The following SMPDL3A variants were observed in gnomAD, a reference collection of about 807,000 sequenced individuals.
The protein encoded by SMPDL3A is sphingomyelin phosphodiesterase acid like 3A, also known as cyclic GMP-AMP phosphodiesterase SMPDL3A.
Under a neutral mutation model 38.5 loss-of-function variants are expected in SMPDL3A, and 39 were observed. The observed-to-expected ratio is 1.01, with a 90% CI of 0.78 to 1.32. The LOEUF (loss-of-function observed/expected upper bound fraction) is 1.32. SMPDL3A is among the 40% of genes most tolerant of loss of function. The pLI, the probability that SMPDL3A is intolerant of heterozygous loss-of-function variation, is 0.00. For synonymous variants in SMPDL3A, 180 were observed against 194.3 expected, an observed-to-expected ratio of 0.93 and a Z score of 0.61; for missense variants, 502 against 536.2, an observed-to-expected ratio of 0.94 and a Z score of 0.63.
rs929886611 is a variant in SMPDL3A, at chr6:122,809,149, G to C, written c.1103G>C (p.Trp368Ser). Reference sequence around the variant, plus strand: ...GCGAATCTAAAGGGAGAGTCCATCTGGAAGCTGGAGTATATCCTGACCCAG... The same window carrying C: ...GCGAATCTAAAGGGAGAGTCCATCTCGAAGCTGGAGTATATCCTGACCCAG... ...TEANLKGESIWKLEYILTQTY... is the reference protein window; with the variant it reads ...TEANLKGESISKLEYILTQTY... The change falls in exon 8 of 8, where the codon TGG becomes TCG. Residue 368 changes from tryptophan (W) to serine (S), a missense_variant. Coordinates refer to ENST00000368440, the MANE Select transcript of SMPDL3A (RefSeq NM_006714.5). 2 of 1,613,864 alleles carry C rather than the reference G, an allele frequency of 1.2e-6. No homozygotes were observed. Among genetic ancestry groups the C allele is most frequent in the African/African-American group, 2.7e-5 (2 of 74,898 alleles).
chr6:122,799,961 CTTTTTTTT>C (rs112956534), intron 3 of SMPDL3A, among the ~76,000 whole-genome samples: 8 of 124,546 alleles, frequency 6.4e-5, no homozygotes, highest in Admixed American at 1.7e-4. Context: ...TCAGTATTTA[CTTTTTTTT>C]TTTTTTTTTT....
At chr6:122,804,854 T>C in intron 5 of SMPDL3A, 55 bp from the exon 6 acceptor site, 2 of 1,470,964 alleles carry the variant, frequency 1.4e-6, no homozygotes, top group Non-Finnish European at 1.9e-6. Context: ...GTCATTTAGT[T>C]ATGATGAATG....
intron 1 of SMPDL3A, 123 bp downstream of exon 1, chr6:122,789,581 C>T: frequency 5.3e-6 from 5 of 944,604 alleles, no homozygotes; most frequent in Non-Finnish European, 8.0e-6. Context: ...CTAGCGGGGC[C>T]CCTGACGCGT....
intron 1 of SMPDL3A, among the ~76,000 whole-genome samples, chr6:122,792,125 GCA>G (rs1350534858): frequency 6.6e-6 from 1 of 152,196 alleles, no homozygotes; most frequent in Non-Finnish European, 1.5e-5. Context: ...ACACACATAG[GCA>G]CACAGTTTCG....
chr6:122,802,367 A>G (rs1781455877), intron 4 of SMPDL3A, among the ~76,000 whole-genome samples: 1 of 151,858 alleles, frequency 6.6e-6, no homozygotes, highest in Non-Finnish European at 1.5e-5. Flanking sequence ...ACACCTGGCT[A>G]ATTTTTGTAT....
chr6:122,794,342 A>T (rs1053110468), intron 1 of SMPDL3A, among the ~76,000 whole-genome samples: 1 of 152,194 alleles, frequency 6.6e-6, no homozygotes, highest in Non-Finnish European at 1.5e-5. Context: ...TCACGCCTGT[A>T]ATCCCAGCAC....
chr6:122,796,625 T>C (rs1035594338), intron 2 of SMPDL3A, among the ~76,000 whole-genome samples, 199 bp from the exon 3 acceptor site: 1 of 152,204 alleles, frequency 6.6e-6, no homozygotes, highest in Non-Finnish European at 1.5e-5. Context: ...TTATTTTTTG[T>C]ATTATATTTT....
chr6:122,803,000 T>C (rs1781476226), intron 4 of SMPDL3A, among the ~76,000 whole-genome samples: 1 of 152,150 alleles, frequency 6.6e-6, no homozygotes, highest in Admixed American at 6.5e-5. Context: ...CAAGAAAGAA[T>C]AGAGAAAATT....
intron 7 of SMPDL3A, among the ~76,000 whole-genome samples, chr6:122,807,088 G>T (rs1020802622): frequency 1.3e-5 from 2 of 151,420 alleles, no homozygotes; most frequent in Non-Finnish European, 1.5e-5. Flanking sequence ...AGATGGGGGG[G>T]GGGGGTCTCC....
intron 7 of SMPDL3A, among the ~76,000 whole-genome samples, chr6:122,807,081 T>TGGG (rs112687449): frequency 7.1e-6 from 1 of 140,232 alleles, no homozygotes; most frequent in African/African-American, 2.7e-5. Context: ...ATTGTAGAGA[T>TGGG]GGGGGGGGGG....
chr6:122,802,956 G>C (rs1193788703), intron 4 of SMPDL3A, among the ~76,000 whole-genome samples: 3 of 152,120 alleles, frequency 2.0e-5, no homozygotes, highest in African/African-American at 7.2e-5. Flanking sequence ...TGACCTGCTA[G>C]TACCATAATA....
rs1336975698 is a variant in SMPDL3A at position 122,809,532 on chromosome 6, T to C, written c.*124T>C. 2 of 673,406 alleles carry C rather than the reference T, an allele frequency of 3.0e-6. No individual in the cohort carries two copies. Among genetic ancestry groups the C allele is most frequent in the Admixed American group, 3.0e-5 (1 of 33,480 alleles). The allele number at this position is 673,406 out of a possible 1,614,324, so 41.7% of individuals were successfully genotyped here. ...TAGACTTCCTGTCTTTGCTTTCTTT[T>C]TTTTTTTCTTTTTGATGCCTTAATG... On this transcript the variant is annotated 3_prime_UTR_variant, in exon 8 of 8. Coordinates refer to ENST00000368440, the MANE Select transcript of SMPDL3A (RefSeq NM_006714.5).
chr6:122,809,601 C>A lies in SMPDL3A; in HGVS notation c.*193C>A. 2.2e-6 allele frequency: 1 copy of A among 455,118 alleles called. No individual in the cohort carries two copies. The allele number at this position is 455,118 out of a possible 1,614,324, so 28.2% of individuals were successfully genotyped here. On this transcript the variant is annotated 3_prime_UTR_variant, in exon 8 of 8. Coordinates refer to ENST00000368440, the MANE Select transcript of SMPDL3A (RefSeq NM_006714.5). The stretch of plus-strand genomic sequence containing the variant: ...TGAATTGTATTATATATTTAAAGTG[C>A]TCATTAATAGAATGATGGATGTAAA...
At chr6:122,793,985 T>C (rs1186892749) in intron 1 of SMPDL3A, among the ~76,000 whole-genome samples, 2 of 152,124 alleles carry the variant, frequency 1.3e-5, no homozygotes, top group African/African-American at 4.8e-5. Flanking sequence ...AAAAATCTCT[T>C]TATTAAAACA....
chr6:122,807,324 C>A (rs954446141), intron 7 of SMPDL3A, among the ~76,000 whole-genome samples: 1 of 152,100 alleles, frequency 6.6e-6, no homozygotes, highest in South Asian at 2.1e-4. Context: ...CGGTGAAACC[C>A]CGTCTCCACT....
chr6:122,805,632 G>T (rs904787210), intron 6 of SMPDL3A, among the ~76,000 whole-genome samples: 20 of 152,100 alleles, frequency 1.3e-4, no homozygotes, highest in Non-Finnish European at 2.1e-4. Flanking sequence ...CAGTTTTTTT[G>T]TTTTGTTGTT....
chr6:122,806,178 A>G, intron 6 of SMPDL3A, 55 bp from the exon 7 acceptor site: 1 of 1,456,352 alleles, frequency 6.9e-7, no homozygotes, highest in Non-Finnish European at 9.3e-7. Flanking sequence ...TATATTTTTA[A>G]TATAGTTAAA....
At chr6:122,807,198 C>T (rs1781654973) in intron 7 of SMPDL3A, among the ~76,000 whole-genome samples, 1 of 151,970 alleles carries the variant, frequency 6.6e-6, no homozygotes. Context: ...ACTGGGCACA[C>T]CCAAAAAATT....
chr6:122,790,969 C>G (rs1457672867), intron 1 of SMPDL3A, among the ~76,000 whole-genome samples: 2 of 152,152 alleles, frequency 1.3e-5, no homozygotes, highest in Admixed American at 1.3e-4. Flanking sequence ...TTACTGGAGT[C>G]ACTGGAGTTC....
Sources: gnomAD v4.1 joint callset for allele counts (sites outside exome capture counted in the v4.1 genomes callset) on GRCh38, gnomAD v4.1.1 for gene constraint, MANE v1.5 for transcripts, NCBI Gene and HGNC (gene_info 2026-07-23, HGNC 2026-07-21) for gene names.